The following WDR64 variants were observed in gnomAD, a reference collection of about 807,000 sequenced individuals.
WDR64 encodes WD repeat domain 64, also known as WD repeat-containing protein 64.
Under a neutral mutation model 139.3 loss-of-function variants are expected in WDR64, and 112 were observed. That is an observed-to-expected ratio of 0.80 (90% CI 0.69 to 0.94). The LOEUF (loss-of-function observed/expected upper bound fraction) is 0.94. Ranked by LOEUF, WDR64 falls within the 40% of genes least tolerant of loss-of-function variation. The pLI, the probability that WDR64 is intolerant of heterozygous loss-of-function variation, is 0.00. For missense variants in WDR64, 1,206 were observed against 1,293.1 expected (o/e 0.93, Z 1.03); for synonymous variants, 444 against 437.7 (o/e 1.01, Z -0.18).
chr1:241,670,108 A>G (rs1666166548), intron 2 of WDR64, among the ~76,000 whole-genome samples: 1 of 152,212 alleles, frequency 6.6e-6, no homozygotes, highest in African/African-American at 2.4e-5. Flanking sequence ...TTCGCTCATT[A>G]ATTTATAAGA....
intron 23 of WDR64, among the ~76,000 whole-genome samples, chr1:241,785,279 C>T (rs954197233): frequency 6.6e-6 from 1 of 152,164 alleles, no homozygotes; most frequent in Non-Finnish European, 1.5e-5. Context: ...GCTCACTGTT[C>T]TGAAGTCTGG....
intron 18 of WDR64, among the ~76,000 whole-genome samples, chr1:241,771,428 C>T (rs1658424379): frequency 6.6e-6 from 1 of 152,060 alleles, no homozygotes; most frequent in Non-Finnish European, 1.5e-5. Context: ...TTTTTAATTA[C>T]TCTCGTTATT....
chr1:241,724,794 A>G (rs1294801933), intron 10 of WDR64, among the ~76,000 whole-genome samples: 3 of 152,218 alleles, frequency 2.0e-5, no homozygotes, highest in Non-Finnish European at 4.4e-5. Flanking sequence ...AATAACTACC[A>G]TTTATTGAGT....
At chr1:241,743,438 C>A (rs1040492351) in intron 12 of WDR64, among the ~76,000 whole-genome samples, 1 of 152,172 alleles carries the variant, frequency 6.6e-6, no homozygotes, top group African/African-American at 2.4e-5. Context: ...TACCACTTCC[C>A]GGCAAGTGGC....
intron 9 of WDR64, among the ~76,000 whole-genome samples, chr1:241,719,241 T>C (rs186732025): frequency 6.6e-6 from 1 of 152,306 alleles, no homozygotes; most frequent in East Asian, 1.9e-4. Flanking sequence ...GAGCTGTGAT[T>C]CATCATCCCA....
At chr1:241,663,387 A>G (rs1665907599) in intron 2 of WDR64, among the ~76,000 whole-genome samples, 1 of 152,164 alleles carries the variant, frequency 6.6e-6, no homozygotes, top group Admixed American at 6.5e-5. Context: ...ACCCCGGCCC[A>G]CATGTCTAAG....
Position 241,674,755 on chromosome 1 carries a change from C to A in WDR64, c.483+8C>A, listed in dbSNP as rs67170285. The stretch of plus-strand genomic sequence containing the variant: ...ACAGTTTTTAATAACCAGGTAATTT[C>A]TTTTTCTTTTTTTAACTGAATGACT... On this transcript the variant is annotated splice_region_variant and intron_variant, in intron 4 of 27. Coordinates refer to ENST00000437684, the MANE Select transcript of WDR64 (RefSeq NM_001367482.1). 1.3e-6 allele frequency: 2 copies of A among 1,505,946 alleles called. No homozygotes were observed. Among genetic ancestry groups the A allele is most frequent in the Non-Finnish European group, 1.8e-6 (2 of 1,114,914 alleles). The allele number at this position is 1,505,946 out of a possible 1,614,324, so 93.3% of individuals were successfully genotyped here. A position where few individuals can be genotyped will look rare whatever the true frequency, so the allele number is the denominator to read the frequency against.
chr1:241,725,464 C>A (rs1668780986), intron 10 of WDR64, among the ~76,000 whole-genome samples: 1 of 152,016 alleles, frequency 6.6e-6, no homozygotes, highest in African/African-American at 2.4e-5. Flanking sequence ...ACCCTCTACC[C>A]GATGCAAAAC....
At chr1:241,782,779 A>G (rs1248474800) in intron 22 of WDR64, among the ~76,000 whole-genome samples, 1 of 152,136 alleles carries the variant, frequency 6.6e-6, no homozygotes, top group Non-Finnish European at 1.5e-5. Context: ...TATAGCATGT[A>G]TCTCCCACCC....
At chr1:241,693,238 A>C (rs1667370211) in intron 8 of WDR64, among the ~76,000 whole-genome samples, 1 of 152,250 alleles carries the variant, frequency 6.6e-6, no homozygotes, top group Non-Finnish European at 1.5e-5. Flanking sequence ...GCTAAAAGGA[A>C]ATGAGCTATC....
At chr1:241,744,585 C>A in intron 13 of WDR64, 69 bp downstream of exon 13, 1 of 1,594,736 alleles carries the variant, frequency 6.3e-7, no homozygotes, top group South Asian at 1.1e-5. Flanking sequence ...AAAACTCTTT[C>A]GTTCTTTAGG....
At chr1:241,681,206 T>C (rs936258324) in intron 6 of WDR64, among the ~76,000 whole-genome samples, 4 of 152,184 alleles carry the variant, frequency 2.6e-5, no homozygotes, top group Admixed American at 2.0e-4. Flanking sequence ...TGTGAGATTT[T>C]GGTGCACCCA....
Position 241,723,388 on chromosome 1 carries a change from C to T in WDR64, c.1146C>T (p.Ile382=), listed in dbSNP as rs146321451. Reference sequence around the variant, plus strand: ...GACACATGTTCAGTATCGCCGAGATCGTAACCAATGAAAAAGATCAACATG... The same window carrying T: ...GACACATGTTCAGTATCGCCGAGATTGTAACCAATGAAAAAGATCAACATG... The part of the protein sequence containing the change: ...LVGHMFSIAE[I]VTNEKDQHVV... The change falls in exon 10 of 28, where the codon ATC becomes ATT. Residue 382 remains isoleucine (I), a synonymous_variant. Transcript: ENST00000437684. 2.0e-4 allele frequency: 322 copies of T among 1,613,816 alleles called. 2 individuals are homozygous for T. In the African/African-American group the frequency reaches 3.5e-3, roughly 17 times the overall value.
At chr1:241,709,686 G>A (rs1668088201) in intron 8 of WDR64, among the ~76,000 whole-genome samples, 1 of 152,120 alleles carries the variant, frequency 6.6e-6, no homozygotes, top group African/African-American at 2.4e-5. Flanking sequence ...AAAAAGTATA[G>A]TCCAGAGGGT....
rs1455809608 is a variant in WDR64 at position 241,656,423 on chromosome 1, G to T, written c.145+3794G>T. On this transcript the variant is annotated intron_variant, in intron 1 of 27. Coordinates refer to ENST00000437684, the MANE Select transcript of WDR64 (RefSeq NM_001367482.1). This position sits in a 1 kb window ranked among gnomAD's most constrained non-coding sequence, Gnocchi z 4.3. ...TTAATTTTATCCCAGGACAAAGAAA[G>T]TCTCATTATCCTCATCCAGTGATAT... Among the ~76,000 whole-genome samples, 2 of 152,158 alleles carry T rather than the reference G, an allele frequency of 1.3e-5. No individual in the cohort carries two copies. The highest frequency in any genetic ancestry group is 2.9e-5 in the Non-Finnish European group (2 of 68,028).
rs188031806 is a variant in WDR64 at position 241,786,784 on chromosome 1, C to T, written c.2706-1065C>T. Among the ~76,000 whole-genome samples, 316 of 152,190 alleles carry T rather than the reference C, an allele frequency of 2.1e-3. 2 individuals carry two copies. Among genetic ancestry groups the T allele is most frequent in the South Asian group, 0.011 (51 of 4,824 alleles). ...TAACAAGTGTTCTGATTAGCTTGAA[C>T]GGGCAGTGTTATTTTCCCAAAAGAA... On this transcript the variant is annotated intron_variant, in intron 23 of 27. Coordinates refer to ENST00000437684, the MANE Select transcript of WDR64 (RefSeq NM_001367482.1).
At chr1:241,777,270 C>G (rs903413820) in intron 21 of WDR64, among the ~76,000 whole-genome samples, 2 of 151,628 alleles carry the variant, frequency 1.3e-5, no homozygotes, top group African/African-American at 4.8e-5. Flanking sequence ...ACAGGTCTTA[C>G]TTCTTTTTCT....
At position 241,740,951 on chromosome 1, in the gene WDR64, A is replaced by G. The variant is rs1174343951; in HGVS notation, c.1322-565A>G. Among the ~76,000 whole-genome samples, 4 of 152,350 alleles carry G rather than the reference A, an allele frequency of 2.6e-5. No homozygotes were observed. In the East Asian group the frequency reaches 5.8e-4, roughly 22 times the overall value. On this transcript the variant is annotated intron_variant, in intron 11 of 27. Transcript: ENST00000437684. ...GCATACCTGCTCCTCATCTACTTCT[A>G]CTTTACAGTGGTGATTTAGAAATTA...
Position 241,674,256 on chromosome 1 carries a change from C to CTTTTTTTTTT in WDR64, c.380-384_380-383insTTTTTTTTTT, listed in dbSNP as rs544401027. 9.4e-4 allele frequency among the ~76,000 whole-genome samples: 114 copies of CTTTTTTTTTT among 121,320 alleles called. 13 individuals carry two copies. Among genetic ancestry groups the CTTTTTTTTTT allele is most frequent in the Non-Finnish European group, 1.2e-3 (71 of 58,898 alleles). 79.6% of individuals were successfully genotyped at this position (121,320 alleles called of 152,430 possible). A position where few individuals can be genotyped will look rare whatever the true frequency, so the allele number is the denominator to read the frequency against. On this transcript the variant is annotated intron_variant, in intron 3 of 27. Transcript: ENST00000437684. The stretch of plus-strand genomic sequence containing the variant: ...AAGCTGGCTGTTTATCTTTTTTTTT[C>CTTTTTTTTTT]TTTTCTTTTTTTTTTTTTTTGAGAC...
Sources: gnomAD v4.1 joint callset for allele counts (sites outside exome capture counted in the v4.1 genomes callset) on GRCh38, gnomAD v4.1.1 for gene constraint, Gnocchi (gnomAD v3.1) non-coding constraint, MANE v1.5 for transcripts, NCBI Gene and HGNC (gene_info 2026-07-23, HGNC 2026-07-21) for gene names.